Variants in TNNI3K observed in about 807,000 individuals in gnomAD.
The protein encoded by TNNI3K is TNNI3 interacting kinase.
TNNI3K carries 140 observed loss-of-function variants against 114.5 expected under a neutral mutation model. The ratio of observed to expected loss-of-function variants is 1.22; its 90% CI spans 1.07 to 1.41. The LOEUF (loss-of-function observed/expected upper bound fraction) is 1.41. TNNI3K is among the 40% of genes most tolerant of loss of function. The pLI is 0.00. For synonymous variants in TNNI3K, 347 were observed against 347.5 expected (o/e 1.00, Z 0.02); for missense variants, 1,125 against 1,007.6 (o/e 1.12, Z -1.58).
At chr1:74,327,979 T>G (rs1174245668) in intron 5 of TNNI3K, among the ~76,000 whole-genome samples, 1 of 151,820 alleles carries the variant, frequency 6.6e-6, no homozygotes, top group Non-Finnish European at 1.5e-5. Flanking sequence ...AATAATATAT[T>G]TAAAACTCCA....
chr1:74,486,491 TG>T (rs1458878765), intron 21 of TNNI3K, among the ~76,000 whole-genome samples: 1 of 117,116 alleles, frequency 8.5e-6, no homozygotes, highest in Non-Finnish European at 1.6e-5. Flanking sequence ...TTTTTGTGTG[TG>T]TTTTTTGTTT....
intron 5 of TNNI3K, among the ~76,000 whole-genome samples, chr1:74,327,409 A>G (rs1250640973): frequency 6.8e-6 from 1 of 147,878 alleles, no homozygotes; most frequent in African/African-American, 2.5e-5. Context: ...TAATATTTAT[A>G]TAGATATATT....
At chr1:74,531,513 A>T (rs1646583058) in intron 23 of TNNI3K, among the ~76,000 whole-genome samples, 1 of 152,212 alleles carries the variant, frequency 6.6e-6, no homozygotes, top group African/African-American at 2.4e-5. Context: ...CAAAGCATAG[A>T]AAGGCATTTA....
At chr1:74,327,925 CA>C (rs1163967267) in intron 5 of TNNI3K, among the ~76,000 whole-genome samples, 1 of 150,784 alleles carries the variant, frequency 6.6e-6, no homozygotes, top group Non-Finnish European at 1.5e-5. Flanking sequence ...TATAGTCTCA[CA>C]AAAAAATTCA....
In TNNI3K at chr1:74,466,145, A is replaced by G. The variant is rs149354425; in HGVS notation, c.2121+2595A>G. Among the ~76,000 whole-genome samples the G allele has an allele frequency of 5.6e-3, 859 of 152,256 alleles. 3 individuals are homozygous for G. The highest frequency in any genetic ancestry group is 0.016 in the African/African-American group (644 of 41,534). ...ACATATCTGAACATCTGAAGGAACA[A>G]ACTCCGGACACGCCATCTTTAAGAA... On this transcript the variant is annotated intron_variant, in intron 21 of 24. Coordinates refer to ENST00000326637, the MANE Select transcript of TNNI3K (RefSeq NM_015978.3).
chr1:74,292,733 A>G (rs2100292813), intron 5 of TNNI3K, among the ~76,000 whole-genome samples: 1 of 151,584 alleles, frequency 6.6e-6, no homozygotes, highest in East Asian at 1.9e-4. Flanking sequence ...TGTGTCCTTC[A>G]TGTCTTTCAT....
At chr1:74,240,998 C>T (rs969736098) in intron 2 of TNNI3K, among the ~76,000 whole-genome samples, 2 of 151,974 alleles carry the variant, frequency 1.3e-5, no homozygotes, top group African/African-American at 4.8e-5. Context: ...ACTCAATTCC[C>T]ACCTGTGAGT....
At chr1:74,505,127 G>A (rs1669828610) in intron 23 of TNNI3K, among the ~76,000 whole-genome samples, 1 of 152,174 alleles carries the variant, frequency 6.6e-6, no homozygotes, top group South Asian at 2.1e-4. Context: ...CCACTCTTAA[G>A]CACATCAAAG....
intron 5 of TNNI3K, among the ~76,000 whole-genome samples, chr1:74,326,961 G>C (rs1028887848): frequency 6.6e-6 from 1 of 151,678 alleles, no homozygotes; most frequent in African/African-American, 2.4e-5. Flanking sequence ...CACAACTGTA[G>C]TCCCAGCTAC....
At chr1:74,537,709 A>G (rs747174358) in intron 23 of TNNI3K, among the ~76,000 whole-genome samples, 1 of 152,178 alleles carries the variant, frequency 6.6e-6, no homozygotes, top group African/African-American at 2.4e-5. Flanking sequence ...ACAAATACAG[A>G]TAATTCTACC....
intron 23 of TNNI3K, among the ~76,000 whole-genome samples, chr1:74,492,833 A>G (rs1461882458): frequency 6.6e-6 from 1 of 152,248 alleles, no homozygotes; most frequent in Non-Finnish European, 1.5e-5. Flanking sequence ...TATACTGGGT[A>G]CATAAAACAG....
At chr1:74,514,258 A>G (rs949745527) in intron 23 of TNNI3K, among the ~76,000 whole-genome samples, 3 of 152,186 alleles carry the variant, frequency 2.0e-5, no homozygotes, top group Non-Finnish European at 4.4e-5. Context: ...GCTAGGAGCA[A>G]TTGTTTTAAA....
chr1:74,458,980 G>A (rs1667338494), intron 20 of TNNI3K, among the ~76,000 whole-genome samples: 1 of 152,036 alleles, frequency 6.6e-6, no homozygotes, highest in South Asian at 2.1e-4. Context: ...CCAAAGTTTA[G>A]TTCCCACTTA....
At chr1:74,452,963 C>T (rs928929076) in intron 20 of TNNI3K, among the ~76,000 whole-genome samples, 11 of 152,108 alleles carry the variant, frequency 7.2e-5, no homozygotes, top group South Asian at 2.1e-4. Context: ...AGGTCTTAGT[C>T]TAAATATAAT....
intron 17 of TNNI3K, chr1:74,374,882 A>G (rs2100533975): frequency 6.6e-6 from 1 of 152,038 alleles, no homozygotes; most frequent in East Asian, 1.9e-4. Flanking sequence ...AAGGATTTAA[A>G]CTTTTTACTT....
chr1:74,477,100 T>C, intron 21 of TNNI3K, among the ~76,000 whole-genome samples: 1 of 152,156 alleles, frequency 6.6e-6, no homozygotes, highest in East Asian at 1.9e-4. Flanking sequence ...ATAATCCTTT[T>C]ATTGACAGAT....
intron 17 of TNNI3K, among the ~76,000 whole-genome samples, chr1:74,391,923 A>G (rs1663791779): frequency 6.6e-6 from 1 of 150,718 alleles, no homozygotes; most frequent in Admixed American, 6.6e-5. Flanking sequence ...CAAAACATTC[A>G]GATGGTCCTT....
intron 23 of TNNI3K, among the ~76,000 whole-genome samples, chr1:74,500,781 G>T (rs942676528): frequency 3.3e-5 from 5 of 151,766 alleles, no homozygotes; most frequent in African/African-American, 1.2e-4. Flanking sequence ...TGCACCTTCA[G>T]GGGGAAAATG....
intron 2 of TNNI3K, among the ~76,000 whole-genome samples, chr1:74,246,999 A>G (rs1654602878): frequency 6.6e-6 from 1 of 152,262 alleles, no homozygotes; most frequent in South Asian, 2.1e-4. Flanking sequence ...AATTTCTTCA[A>G]TTATAAAATG....
Sources: allele counts gnomAD v4.1 joint callset (sites outside exome capture counted in the v4.1 genomes callset), GRCh38; gene constraint gnomAD v4.1.1; transcripts MANE v1.5; gene names NCBI Gene and HGNC (gene_info 2026-07-23, HGNC 2026-07-21).